The following CEP350 variants were observed in gnomAD, a reference collection of about 807,000 sequenced individuals.
CEP350 encodes centrosome-associated protein 350.
In CEP350, 126 loss-of-function variants were observed where a neutral mutation model predicts 331.8. The ratio of observed to expected loss-of-function variants is 0.38; its 90% confidence interval spans 0.33 to 0.44. The LOEUF (loss-of-function observed/expected upper bound fraction) is 0.44, where lower values mean the gene tolerates loss of function less well. CEP350 is among the 20% of genes least tolerant of loss of function. The pLI is 1.00. For synonymous variants in CEP350, 1,200 were observed against 1,259.5 expected (o/e 0.95, Z 1.00); for missense variants, 3,406 against 3,634.6 (o/e 0.94, Z 1.62).
chr1:179,955,110 C>A lies in CEP350; in HGVS notation c.-46C>A, dbSNP rs1472282690. The A allele has an allele frequency of 6.8e-7, 1 of 1,471,952 alleles. No individual in the cohort carries two copies. 91.2% of individuals were successfully genotyped at this position (1,471,952 alleles called of 1,614,324 possible). On this transcript the variant is annotated 5_prime_UTR_variant, in exon 1 of 38. Transcript: ENST00000367607. ...CTCCGCCAGGCTCCGCGGGATGCAC[C>A]GTGGTAGCCGAGGGCGGAGGCGACA...
At chr1:180,018,314 C>T (rs971882992) in intron 11 of CEP350, among the ~76,000 whole-genome samples, 3 of 152,118 alleles carry the variant, frequency 2.0e-5, no homozygotes, top group Non-Finnish European at 4.4e-5. Context: ...CTACCATGCC[C>T]AGCTCAGGAT....
rs760504109 is a variant in CEP350 at position 180,043,080 on chromosome 1, A to G, written c.4387A>G (p.Ile1463Val). ...CEMAELTRTH[I>V]SDAVVASGAP... is the part of the protein sequence containing the mutation. ...GATGGCAGAGTTGACTAGAACTCAT[A>G]TCTCAGATGCTGTCGTGGCTTCAGG... The change falls in exon 20 of 38, where the codon ATC becomes GTC. Residue 1463 changes from isoleucine to valine, a missense_variant. By Grantham distance (29) the Ile-to-Val change is conservative. Transcript: ENST00000367607. 28 of 1,613,432 alleles carry G rather than the reference A, an allele frequency of 1.7e-5. No individual in the cohort carries two copies. The Middle Eastern group carries it at 4.9e-4, about 28-fold the overall frequency.
At chr1:179,973,746 A>G (rs962458126) in intron 1 of CEP350, among the ~76,000 whole-genome samples, 8 of 152,114 alleles carry the variant, frequency 5.3e-5, no homozygotes, top group Non-Finnish European at 1.0e-4. Context: ...TTATTTTACT[A>G]TGTATTCTTA....
At chr1:180,086,658 A>G (rs1298328761) in intron 31 of CEP350, among the ~76,000 whole-genome samples, 1 of 152,162 alleles carries the variant, frequency 6.6e-6, no homozygotes, top group East Asian at 1.9e-4. Context: ...TTCAGATCTT[A>G]GTAGTCATAG....
rs868169255 is a variant in CEP350, at chr1:179,992,137, G to A, written c.311G>A (p.Arg104His). The stretch of plus-strand genomic sequence containing the variant: ...ACTAAATCACGAAAAGAGAAATCTC[G>A]TAGTCCTCTCAGGGCCACCACCCTG... ...KSTKSRKEKS[R>H]SPLRATTLES... is the part of the protein sequence containing the mutation. Residue 104 changes from arginine (R) to histidine (H), a missense_variant, in exon 5 of 38, where the codon CGT becomes CAT. By Grantham distance (29) the Arg-to-His change is conservative. This residue lies in a region of CEP350 where 1,857 missense variants were observed against 1,909.2 expected (regional missense o/e 0.97). Coordinates refer to ENST00000367607, the MANE Select transcript of CEP350 (RefSeq NM_014810.5). The A allele has an allele frequency of 7.1e-6, 11 of 1,546,890 alleles. No homozygotes were observed. Among genetic ancestry groups the A allele is most frequent in the South Asian group, 3.7e-5 (3 of 80,782 alleles).
At chr1:179,991,314 CTT>C (rs748309168) in intron 4 of CEP350, among the ~76,000 whole-genome samples, 9 of 109,386 alleles carry the variant, frequency 8.2e-5, no homozygotes, top group Non-Finnish European at 1.4e-4. Context: ...TCTTTCTTTT[CTT>C]TTTTTTTTTT....
intron 3 of CEP350, among the ~76,000 whole-genome samples, chr1:179,990,194 A>C (rs1355220656): frequency 1.3e-5 from 2 of 152,192 alleles, no homozygotes; most frequent in African/African-American, 4.8e-5. Context: ...AAAAAAAAAA[A>C]AGTCAGATAA....
intron 6 of CEP350, among the ~76,000 whole-genome samples, chr1:180,000,962 A>G (rs1032336739): frequency 6.6e-6 from 1 of 152,218 alleles, no homozygotes; most frequent in Non-Finnish European, 1.5e-5. Flanking sequence ...GTCGGGTGAA[A>G]TTAAACTGAG....
chr1:180,109,258 T>G (rs1199138112), intron 37 of CEP350, among the ~76,000 whole-genome samples: 1 of 151,454 alleles, frequency 6.6e-6, no homozygotes, highest in Non-Finnish European at 1.5e-5. Context: ...TAGCTGCGAT[T>G]ACAGGTGCAC....
At chr1:179,996,323 T>G (rs1558086739) in intron 5 of CEP350, among the ~76,000 whole-genome samples, 2 of 152,174 alleles carry the variant, frequency 1.3e-5, no homozygotes, top group East Asian at 1.9e-4. Context: ...GAAAAGCTTT[T>G]AAAAAGATTT....
At chr1:180,077,417 T>C (rs879650169) in intron 28 of CEP350, among the ~76,000 whole-genome samples, 1 of 151,946 alleles carries the variant, frequency 6.6e-6, no homozygotes, top group Non-Finnish European at 1.5e-5. Context: ...CTCACACCTA[T>C]AATCCCAACA....
intron 16 of CEP350, among the ~76,000 whole-genome samples, chr1:180,035,452 G>A (rs868137682): frequency 6.6e-6 from 1 of 152,192 alleles, no homozygotes; most frequent in Non-Finnish European, 1.5e-5. Context: ...TTCAAAGGAT[G>A]AGCTGACTGT....
intron 14 of CEP350, among the ~76,000 whole-genome samples, chr1:180,028,059 T>C (rs1655792066): frequency 6.6e-6 from 1 of 152,220 alleles, no homozygotes; most frequent in African/African-American, 2.4e-5. Context: ...CTTCCGAAAC[T>C]GTATTTTCTT....
chr1:180,084,348 T>A, intron 31 of CEP350, 170 bp downstream of exon 31: 1 of 503,530 alleles, frequency 2.0e-6, no homozygotes, highest in Non-Finnish European at 3.3e-6. Context: ...CATTCTTGCT[T>A]AAAACATTAA....
chr1:179,985,637 G>A (rs1055687081), intron 1 of CEP350, among the ~76,000 whole-genome samples: 1 of 152,174 alleles, frequency 6.6e-6, no homozygotes, highest in Admixed American at 6.5e-5. Context: ...ATGGCAGAAG[G>A]CACCTACCTC....
At position 180,053,788 on chromosome 1, in the gene CEP350, T is replaced by A; in HGVS notation, c.5028T>A (p.Phe1676Leu). ...CATTCTCAGGAGGACAAGATAGCTT[T>A]TCTAAATTTACTATGGAGATGGTTC... ...NMPFSGGQDS[F>L]SKFTMEMVRQ... Residue 1676 changes from phenylalanine (F) to leucine (L), a missense_variant, in exon 24 of 38, where the codon TTT (phenylalanine) becomes TTA (leucine). By Grantham distance (22) the Phe-to-Leu change is conservative. Coordinates refer to ENST00000367607, the MANE Select transcript of CEP350 (RefSeq NM_014810.5). 6.2e-7 allele frequency: 1 copy of A among 1,605,112 alleles called. No individual in the cohort carries two copies. The highest frequency in any genetic ancestry group is 8.5e-7 in the Non-Finnish European group (1 of 1,174,196).
chr1:180,095,758 T>TCCC lies in CEP350; in HGVS notation c.8750_8752dup (p.Pro2917dup), dbSNP rs1660448489. ...CAACCATGTGAAACATTATTGGCAGTCCCCCATACTGCAGAAGAAGTAGAG... is the reference window on the plus strand; with the variant it reads ...CAACCATGTGAAACATTATTGGCAGTCCCCCCCCATACTGCAGAAGAAGTAGAG... On this transcript the variant is annotated inframe_insertion, in exon 35 of 38. Transcript: ENST00000367607. 1 of 1,613,780 alleles carries TCCC rather than the reference T, an allele frequency of 6.2e-7. No individual in the cohort carries two copies. The highest frequency in any genetic ancestry group is 1.7e-5 in the Admixed American group (1 of 59,980).
intron 30 of CEP350, among the ~76,000 whole-genome samples, chr1:180,081,714 C>T (rs553959551): frequency 3.2e-4 from 49 of 152,234 alleles, no homozygotes; most frequent in African/African-American, 1.1e-3. Flanking sequence ...ATGCTATATG[C>T]AGTTGTAACA....
chr1:180,087,385 T>G, intron 31 of CEP350, 193 bp from the exon 32 acceptor site: 1 of 419,790 alleles, frequency 2.4e-6, no homozygotes. Context: ...TGCTTATATA[T>G]AGATTATTTT....
Sources: allele counts gnomAD v4.1 joint callset (sites outside exome capture counted in the v4.1 genomes callset), GRCh38; gene constraint gnomAD v4.1.1; regional missense constraint gnomAD v4.1.1; transcripts MANE v1.5; gene names NCBI Gene and HGNC (gene_info 2026-07-23, HGNC 2026-07-21).